The following PHKA1 variants were observed in gnomAD, a reference collection of about 807,000 sequenced individuals.
PHKA1 encodes phosphorylase kinase regulatory subunit alpha 1.
In PHKA1, 60 loss-of-function variants were observed where a neutral mutation model predicts 110.2. The ratio of observed to expected loss-of-function variants is 0.54; its 90% CI spans 0.44 to 0.68. The LOEUF is 0.68. Among genes scored for constraint, PHKA1 ranks in the 30% least tolerant of loss-of-function variants. The pLI, the probability that PHKA1 is intolerant of heterozygous loss-of-function variation, is 0.00. For missense variants in PHKA1, 801 were observed against 942.5 expected (o/e 0.85, Z 1.97); for synonymous variants, 316 against 333.6 (o/e 0.95, Z 0.58).
At chrX:72,636,157 T>C (rs940092382) in intron 15 of PHKA1, 120 bp downstream of exon 15, 5 of 511,315 alleles carry the variant, frequency 9.8e-6, no homozygotes, top group Non-Finnish European at 1.8e-5. Context: ...GAGTAAGTTA[T>C]GTGCAAGGCC....
intron 13 of PHKA1, among the ~76,000 whole-genome samples, chrX:72,646,873 G>A (rs1232134209): frequency 1.8e-5 from 2 of 111,537 alleles, no homozygotes; most frequent in Non-Finnish European, 3.8e-5. Flanking sequence ...GCTTACACCT[G>A]TAATCACAGC....
chrX:72,611,040 T>G lies in PHKA1; in HGVS notation c.2514A>C (p.Glu838Asp), dbSNP rs782409238. ...GAATTTATAGTACCTCATCAAGTGCTTCCACTTTCTTCCTTAAGATCCCAG... is the reference window on the plus strand; with the variant it reads ...GAATTTATAGTACCTCATCAAGTGCGTCCACTTTCTTCCTTAAGATCCCAG... ...YISGILRKKV[E>D]ALDEACTDLL... The change falls in exon 22 of 32, where the codon GAA becomes GAC. Residue 838 changes from glutamate (E) to aspartate (D), a missense_variant. Around this residue, in one of 2 missense-constraint regions of PHKA1, gnomAD observed 502 missense variants for 519.2 expected, o/e 0.97. Transcript: ENST00000373542. The G allele has an allele frequency of 8.3e-6, 10 of 1,202,652 alleles. No homozygotes were observed. In the Admixed American group the frequency reaches 8.8e-5, roughly 11 times the overall value.
intron 14 of PHKA1, among the ~76,000 whole-genome samples, chrX:72,642,568 A>G (rs1490946805): frequency 9.0e-6 from 1 of 110,941 alleles, no homozygotes; most frequent in Non-Finnish European, 1.9e-5. Flanking sequence ...CTAGAAGTGC[A>G]TTATAGGTCT....
chrX:72,696,620 C>G (rs2054120082), intron 3 of PHKA1, among the ~76,000 whole-genome samples: 1 of 111,953 alleles, frequency 8.9e-6, no homozygotes, highest in African/African-American at 3.2e-5. Flanking sequence ...TAATGTACTT[C>G]TTACATATAT....
chrX:72,637,974 GT>G (rs2053248418), intron 14 of PHKA1, among the ~76,000 whole-genome samples: 2 of 111,231 alleles, frequency 1.8e-5, no homozygotes, highest in Admixed American at 1.9e-4. Context: ...CTATTCTTAA[GT>G]ATTTTATTCT....
chrX:72,645,759 A>G (rs931433667), intron 13 of PHKA1, among the ~76,000 whole-genome samples: 1 of 112,202 alleles, frequency 8.9e-6, no homozygotes, highest in East Asian at 2.8e-4. Flanking sequence ...AGGAGCTCAC[A>G]GTGTAACCGA....
At chrX:72,674,910 G>A (rs1318795089) in intron 6 of PHKA1, among the ~76,000 whole-genome samples, 1 of 110,914 alleles carries the variant, frequency 9.0e-6, no homozygotes, top group African/African-American at 3.3e-5. Flanking sequence ...TAGGCTGGGT[G>A]CAGTGGCTCA....
intron 14 of PHKA1, among the ~76,000 whole-genome samples, chrX:72,642,070 A>G (rs2053303611): frequency 8.9e-6 from 1 of 112,414 alleles, no homozygotes; most frequent in Non-Finnish European, 1.9e-5. Flanking sequence ...ACGTATCAGG[A>G]AGATAAATGT....
intron 22 of PHKA1, among the ~76,000 whole-genome samples, chrX:72,610,554 C>CT (rs2052793641): frequency 8.9e-6 from 1 of 111,952 alleles, no homozygotes; most frequent in Admixed American, 9.5e-5. Flanking sequence ...CATACCTTTG[C>CT]TATTGGGAAT....
At position 72,656,012 on chromosome X, in the gene PHKA1, T is replaced by C. The variant is rs1302024860; in HGVS notation, c.1041+108A>G. On this transcript the variant is annotated intron_variant, in intron 10 of 31. Coordinates refer to ENST00000373542, the MANE Select transcript of PHKA1 (RefSeq NM_002637.4). ...TAGTAGCCTGTAGGGAACAACTGTC[T>C]CTCCCCTATTAGGAAGACTTCCAAC... is the stretch of plus-strand genomic sequence containing the variant. 1.1e-5 allele frequency: 9 copies of C among 841,298 alleles called. No individual in the cohort carries two copies. The Admixed American group carries it at 1.1e-4, about 10-fold the overall frequency. 69.3% of individuals were successfully genotyped at this position (841,298 alleles called of 1,213,427 possible).
At chrX:72,681,609 C>T (rs1484632742) in intron 5 of PHKA1, among the ~76,000 whole-genome samples, 5 of 82,484 alleles carry the variant, frequency 6.1e-5, no homozygotes, top group Admixed American at 1.2e-4. Context: ...TCTGCCCGGC[C>T]GCCCCTACTG....
chrX:72,621,313 A>G (rs1241473522), intron 18 of PHKA1, among the ~76,000 whole-genome samples: 1 of 111,531 alleles, frequency 9.0e-6, no homozygotes, highest in African/African-American at 3.3e-5. Context: ...GGGCCAGGAA[A>G]GGGCAAAAAT....
intron 29 of PHKA1, among the ~76,000 whole-genome samples, chrX:72,590,800 CAT>C (rs1361914311): frequency 1.8e-5 from 2 of 112,351 alleles, no homozygotes; most frequent in Non-Finnish European, 3.8e-5. Context: ...AGGCAACAGA[CAT>C]GTGAAAAAAT....
At position 72,620,852 on chromosome X, in the gene PHKA1, G is replaced by T; in HGVS notation, c.2010C>A (p.His670Gln). The T allele has an allele frequency of 8.3e-7, 1 of 1,211,000 alleles. No homozygotes were observed. The highest frequency in any genetic ancestry group is 1.1e-6 in the Non-Finnish European group (1 of 895,262). ...VARYLDHLLA[H>Q]TAPHPKLAPT... ...GGGCTAGTTTAGGATGGGGAGCAGT[G>T]TGCGCCAAAAGGTGATCTAAATAAC... Residue 670 changes from histidine to glutamine, a missense_variant, in exon 19 of 32, where the codon CAC becomes CAA. Physicochemically the swap from His to Gln is conservative, Grantham distance 24 (BLOSUM62 0). Around this residue, in one of 2 missense-constraint regions of PHKA1, gnomAD observed 502 missense variants for 519.2 expected, o/e 0.97. Coordinates refer to ENST00000373542, the MANE Select transcript of PHKA1 (RefSeq NM_002637.4).
rs782589941 is a variant in PHKA1, at chrX:72,582,515, C to T, written c.3381G>A (p.Leu1127=). 3.3e-6 allele frequency: 4 copies of T among 1,200,289 alleles called. No homozygotes were observed. Among genetic ancestry groups the T allele is most frequent in the South Asian group, 3.5e-5 (2 of 56,739 alleles). ...TGGTGAGGACAAGGATGGCTTCAAC[C>T]AGCAGCTGACGGTACTCTGGCTGAG... is the stretch of plus-strand genomic sequence containing the variant. ...RVPQPEYRQL[L]VEAILVLTML... Residue 1127 remains leucine (L), a synonymous_variant, in exon 31 of 32, where the codon CTG becomes CTA. Transcript: ENST00000373542.
At chrX:72,630,319 G>A (rs782722427) in intron 16 of PHKA1, among the ~76,000 whole-genome samples, 200 of 108,967 alleles carry the variant, frequency 1.8e-3, no homozygotes, top group African/African-American at 6.4e-3. Context: ...GAGAGAGAGA[G>A]AGAAAGAAAG....
chrX:72,661,327 C>G lies in PHKA1; in HGVS notation c.865-3686G>C, dbSNP rs141136705. ...CTGCTAGATTTTATATTCTAGTAGT[C>G]AATATTTTCAGTGAAACGTAAAAAT... On this transcript the variant is annotated intron_variant, in intron 8 of 31. Transcript: ENST00000373542. Among the ~76,000 whole-genome samples the G allele has an allele frequency of 3.7e-3, 412 of 111,316 alleles. 1 individual carries two copies. Among genetic ancestry groups the G allele is most frequent in the African/African-American group, 0.013 (401 of 30,685 alleles).
chrX:72,713,461 T>A (rs1281042316), intron 1 of PHKA1, among the ~76,000 whole-genome samples: 3 of 111,558 alleles, frequency 2.7e-5, no homozygotes, highest in Non-Finnish European at 3.8e-5. Context: ...ATGTGGGTAT[T>A]ATTAAAGGCA....
Position 72,623,230 on chromosome X carries a change from G to A in PHKA1, c.1839C>T (p.Cys613=). The A allele has an allele frequency of 8.3e-7, 1 of 1,209,861 alleles. No individual in the cohort carries two copies. The highest frequency in any genetic ancestry group is 1.1e-6 in the Non-Finnish European group (1 of 894,397). ...CAGGGTCCATGAAGCTCAAGTGTGT[G>A]CAACAAGATGTTGTCAAAAACTCTG... The part of the protein sequence containing the change: ...KLSEFLTTSC[C]THLSFMDPGP... The change falls in exon 18 of 32, where the codon TGC becomes TGT. Residue 613 remains cysteine, a synonymous_variant. Coordinates refer to ENST00000373542, the MANE Select transcript of PHKA1 (RefSeq NM_002637.4).
Sources: gnomAD v4.1 joint callset for allele counts (sites outside exome capture counted in the v4.1 genomes callset) on GRCh38, gnomAD v4.1.1 for gene constraint, gnomAD v4.1.1 regional missense constraint, MANE v1.5 for transcripts, NCBI Gene and HGNC (gene_info 2026-07-23, HGNC 2026-07-21) for gene names.